Variants in ZAN observed in about 807,000 individuals in gnomAD.
The protein encoded by ZAN is zonadhesin.
ZAN carries 260 observed loss-of-function variants against 286.2 expected under a neutral mutation model. The observed-to-expected ratio is 0.91, with a 90% CI of 0.82 to 1.01. ZAN has a LOEUF of 1.01. Ranked by LOEUF, ZAN falls within the 50% of genes least tolerant of loss-of-function variation. ZAN has a pLI of 0.00. For synonymous variants in ZAN, 1,368 were observed against 1,417.5 expected, an observed-to-expected ratio of 0.97 and a Z score of 0.79; for missense variants, 3,410 against 3,639.2, an observed-to-expected ratio of 0.94 and a Z score of 1.62.
chr7:100,750,555 C>A (rs1808581087), intron 11 of ZAN, 70 bp from the exon 12 acceptor site: 6 of 1,541,314 alleles, frequency 3.9e-6, no homozygotes, highest in Non-Finnish European at 5.3e-6. Context: ...GAAAGCAAAG[C>A]TTTGCTAAAG....
rs545917447 is a variant in ZAN, at chr7:100,767,876, C to G, written c.4906C>G (p.Arg1636Gly). 21 of 1,613,940 alleles carry G rather than the reference C, an allele frequency of 1.3e-5. No individual in the cohort carries two copies. The African/African-American group carries it at 2.5e-4, about 19-fold the overall frequency. ...VALPVWLAQG[R>G]VTIRLSSNLV... ...CCTACCTGTGTGGCTTGCACAAGGC[C>G]GGGTGACCATAAGGCTCAGCAGCAA... The change falls in exon 26 of 48, where the codon CGG (arginine) becomes GGG (glycine). Residue 1636 changes from arginine to glycine, a missense_variant. By Grantham distance (125) the Arg-to-Gly change is moderately radical (BLOSUM62 -2). Around this residue, in one of 7 missense-constraint regions of ZAN, gnomAD observed 1,042 missense variants for 1,058.0 expected, o/e 0.98. Transcript: ENST00000613979.
rs868670397 is a variant in ZAN, at chr7:100,758,557, G to A, written c.3478G>A (p.Gly1160Arg). The A allele has an allele frequency of 5.8e-6, 9 of 1,563,532 alleles. No individual in the cohort carries two copies. Among genetic ancestry groups the A allele is most frequent in the East Asian group, 2.4e-5 (1 of 41,848 alleles). Residue 1160 changes from glycine to arginine, a missense_variant, in exon 17 of 48, where the codon GGA becomes AGA. Physicochemically the swap from Gly to Arg is moderately radical, Grantham distance 125 (BLOSUM62 -2). Transcript: ENST00000613979. ...AGGCACTGCCACCTGCTTGGTCTAC[G>A]GAGACCCTCATTATGTCACCTTTGA... ...YAGTATCLVY[G>R]DPHYVTFDGR...
At chr7:100,796,090 A>ACAAAAAC (rs1327630171) in intron 45 of ZAN, among the ~76,000 whole-genome samples, 1 of 151,888 alleles carries the variant, frequency 6.6e-6, no homozygotes, top group Non-Finnish European at 1.5e-5. Flanking sequence ...AAAACAAAAA[A>ACAAAAAC]CAAAAACCAA....
chr7:100,772,119 A>G (rs1194365866), intron 29 of ZAN, 99 bp downstream of exon 29: 10 of 1,324,182 alleles, frequency 7.6e-6, no homozygotes, highest in Non-Finnish European at 9.9e-6. Flanking sequence ...TTTGAGACGG[A>G]GTCTCACTCT....
chr7:100,753,123 C>T lies in ZAN; in HGVS notation c.3018C>T (p.Ser1006=). ...KLTALRPPHP[S]PTATGLAALV... ...CAGCCCTGAGGCCACCCCATCCCAG[C>T]CCCACAGCCACTGGGCTGGCAGCCT... is the stretch of plus-strand genomic sequence containing the variant. Residue 1006 remains serine (S), a synonymous_variant, in exon 14 of 48, where the codon AGC becomes AGT. Coordinates refer to ENST00000613979, the MANE Select transcript of ZAN (RefSeq NM_003386.3). The T allele has an allele frequency of 6.2e-7, 1 of 1,614,000 alleles. No homozygotes were observed.
intron 8 of ZAN, among the ~76,000 whole-genome samples, 159 bp from the exon 9 acceptor site, chr7:100,747,391 A>T (rs1808303785): frequency 6.6e-6 from 1 of 152,076 alleles, no homozygotes; most frequent in Admixed American, 6.6e-5. Flanking sequence ...CATCTCAAAA[A>T]AAAATAATGA....
rs1220663131 is a variant in ZAN at position 100,737,477 on chromosome 7, C to T, written c.613+128C>T. ...ATCCCAGCACTTTGGGAGGCCGAGG[C>T]GGGCGGATCACGAGGTCAAGAGATA... On this transcript the variant is annotated intron_variant, in intron 6 of 47. Coordinates refer to ENST00000613979, the MANE Select transcript of ZAN (RefSeq NM_003386.3). 19 of 620,468 alleles carry T rather than the reference C, an allele frequency of 3.1e-5. 2 individuals are homozygous for T. Among genetic ancestry groups the T allele is most frequent in the Non-Finnish European group, 4.0e-5 (15 of 379,446 alleles). 38.4% of individuals were successfully genotyped at this position (620,468 alleles called of 1,614,324 possible). A position where few individuals can be genotyped will look rare whatever the true frequency, so the allele number is the denominator to read the frequency against.
intron 9 of ZAN, 34 bp from the exon 10 acceptor site, chr7:100,748,103 T>C (rs1163621310): frequency 6.3e-7 from 1 of 1,590,078 alleles, no homozygotes; most frequent in Non-Finnish European, 8.6e-7. Context: ...GTGGGCTGTG[T>C]GCTCACTCCT....
At position 100,775,402 on chromosome 7, in the gene ZAN, G is replaced by A. The variant is rs767766456; in HGVS notation, c.5854G>A (p.Ala1952Thr). 3.3e-5 allele frequency: 53 copies of A among 1,613,782 alleles called. No individual in the cohort carries two copies. Among genetic ancestry groups the A allele is most frequent in the Non-Finnish European group, 4.3e-5 (51 of 1,179,890 alleles). Residue 1952 changes from alanine (A) to threonine (T), a missense_variant, in exon 32 of 48, where the codon GCC becomes ACC. Ala to Thr is a moderately conservative substitution (Grantham distance 58). Transcript: ENST00000613979. ...TGGTAGTAACCATTCTATCCCGGAC[G>A]CCTGCACTCTTGTCCTGGTGAAAGT... ...FDGSNHSIPDACTLVLVKVCH... is the reference protein window; with the variant it reads ...FDGSNHSIPDTCTLVLVKVCH...
chr7:100,766,913 G>C, intron 24 of ZAN, 97 bp from the exon 25 acceptor site: 1 of 1,559,602 alleles, frequency 6.4e-7, no homozygotes, highest in East Asian at 2.3e-5. Context: ...GGGCCGTGGG[G>C]ACCATGCCAA....
In ZAN at chr7:100,792,681, G is replaced by A. The variant is rs952793488; in HGVS notation, c.7787+202G>A. 138 of 1,333,620 alleles carry A rather than the reference G, an allele frequency of 1.0e-4. No homozygotes were observed. The South Asian group carries it at 1.6e-3, about 15-fold the overall frequency. 82.6% of individuals were successfully genotyped at this position (1,333,620 alleles called of 1,614,324 possible). Reference sequence around the variant, plus strand: ...CCTCGAATTTCTGCCTTAGTCCCAGGTCCAAGTCAGCACAACCGGCAGCCT... The same window carrying A: ...CCTCGAATTTCTGCCTTAGTCCCAGATCCAAGTCAGCACAACCGGCAGCCT... On this transcript the variant is annotated intron_variant, in intron 42 of 47. Coordinates refer to ENST00000613979, the MANE Select transcript of ZAN (RefSeq NM_003386.3).
intron 42 of ZAN, among the ~76,000 whole-genome samples, chr7:100,792,982 C>CAAAAAAAAAAAAAAAAAAAA (rs1232116032): frequency 2.4e-4 from 12 of 50,974 alleles, no homozygotes; most frequent in African/African-American, 6.2e-4. Flanking sequence ...CATCCTATCT[C>CAAAAAAAAAAAAAAAAAAAA]AAAAAAAAAA....
At chr7:100,774,043 G>T (rs1288034567) in intron 31 of ZAN, among the ~76,000 whole-genome samples, 178 bp downstream of exon 31, 1 of 151,572 alleles carries the variant, frequency 6.6e-6, no homozygotes, top group African/African-American at 2.4e-5. Flanking sequence ...GAACCTTGGG[G>T]CTCACCCATC....
chr7:100,791,165 C>G, intron 40 of ZAN, 52 bp downstream of exon 40: 1 of 1,569,002 alleles, frequency 6.4e-7, no homozygotes, highest in Non-Finnish European at 8.6e-7. Context: ...AATGTCTGTG[C>G]ACGGTGGCCG....
chr7:100,788,950 C>A (rs577283483), intron 38 of ZAN, among the ~76,000 whole-genome samples: 1 of 152,128 alleles, frequency 6.6e-6, no homozygotes, highest in African/African-American at 2.4e-5. Flanking sequence ...CCGCCCGACT[C>A]GGCCTCCCAA....
intron 34 of ZAN, 125 bp from the exon 35 acceptor site, chr7:100,779,321 T>C: frequency 1.1e-6 from 1 of 948,698 alleles, no homozygotes; most frequent in East Asian, 2.7e-5. Flanking sequence ...GAGGTTGCAG[T>C]GAGCTGAGAC....
chr7:100,747,692 G>A (rs1808329794), intron 9 of ZAN, 51 bp downstream of exon 9: 6 of 1,545,724 alleles, frequency 3.9e-6, no homozygotes, highest in East Asian at 2.2e-5. Flanking sequence ...CACACCCAAT[G>A]TTGAAATAAA....
In ZAN at chr7:100,789,136, G is replaced by A. The variant is rs964839665; in HGVS notation, c.7228-82G>A. 2.6e-6 allele frequency: 4 copies of A among 1,540,252 alleles called. No individual in the cohort carries two copies. In the East Asian group the frequency reaches 9.1e-5, roughly 35 times the overall value. On this transcript the variant is annotated intron_variant, in intron 38 of 47. Transcript: ENST00000613979. The stretch of plus-strand genomic sequence containing the variant: ...TGCACGGAGACATATGGAGATGACT[G>A]GGAAAAGTGAAGCCCAGCCAGGAAA...
chr7:100,775,681 C>T lies in ZAN; in HGVS notation c.6040C>T (p.Gln2014Ter). The T allele has an allele frequency of 6.2e-7, 1 of 1,613,916 alleles. No homozygotes were observed. Among genetic ancestry groups the T allele is most frequent in the South Asian group, 1.1e-5 (1 of 91,076 alleles). ...TCCTCCTGTTTAGATCAACAGCAAA[C>T]AGGTCACCCTCCCCGCCATCTCCCA... Reference protein sequence around the residue: ...KGHRVLINSKQVTLPAISQIP... With the variant: ...KGHRVLINSK Residue 2014 changes from glutamine (Q) to a stop codon, truncating the protein, a stop_gained, in exon 33 of 48, where the codon CAG becomes TAG. Transcript: ENST00000613979. LOFTEE classifies it high-confidence loss of function.
Sources: allele counts gnomAD v4.1 joint callset (sites outside exome capture counted in the v4.1 genomes callset), GRCh38; gene constraint gnomAD v4.1.1; regional missense constraint gnomAD v4.1.1; transcripts MANE v1.5; gene names NCBI Gene and HGNC (gene_info 2026-07-23, HGNC 2026-07-21).